The following CACNA1C variants were observed in gnomAD, a reference collection of about 807,000 sequenced individuals.
CACNA1C encodes the protein voltage-dependent L-type calcium channel subunit alpha-1C.
CACNA1C carries 30 observed loss-of-function variants against 229.0 expected under a neutral mutation model. The ratio of observed to expected loss-of-function variants is 0.13; its 90% CI spans 0.10 to 0.18. The LOEUF (loss-of-function observed/expected upper bound fraction) is 0.18. CACNA1C is among the 10% of genes least tolerant of loss of function. The pLI, the probability that CACNA1C is intolerant of heterozygous loss-of-function variation, is 1.00. For missense variants in CACNA1C, 1,658 were observed against 2,845.0 expected, an observed-to-expected ratio of 0.58 and a Z score of 9.49; for synonymous variants, 1,114 against 1,132.5, an observed-to-expected ratio of 0.98 and a Z score of 0.33.
rs2053369230 is a variant in CACNA1C at position 2,053,927 on chromosome 12, C to T, written c.49+316C>T. On this transcript the variant is annotated intron_variant, in intron 1 of 46. Transcript: ENST00000399655. This position sits in a 1 kb window ranked among gnomAD's most constrained non-coding sequence, Gnocchi z 5.8. ...TGGCTGCCGCCGCCTCGCTTTCTCG[C>T]GTCCGCCTGGAGAGCCCGGCTGCCT... Among the ~76,000 whole-genome samples, 1 of 150,182 alleles carries T rather than the reference C, an allele frequency of 6.7e-6. No homozygotes were observed. Among genetic ancestry groups the T allele is most frequent in the East Asian group, 1.9e-4 (1 of 5,150 alleles).
intron 5 of CACNA1C, among the ~76,000 whole-genome samples, chr12:2,466,541 G>A (rs964500949): frequency 6.6e-6 from 1 of 152,198 alleles, no homozygotes; most frequent in African/African-American, 2.4e-5. Flanking sequence ...TCAAACCACA[G>A]TGCTTCACTC....
intron 1 of CACNA1C, among the ~76,000 whole-genome samples, chr12:1,974,880 T>C (rs1294446671): frequency 6.6e-6 from 1 of 152,172 alleles, no homozygotes; most frequent in Non-Finnish European, 1.5e-5. Flanking sequence ...ACATGTCTAT[T>C]TATGCTTAAG....
intron 3 of CACNA1C, among the ~76,000 whole-genome samples, chr12:2,144,424 G>T (rs1348728692): frequency 1.3e-5 from 2 of 151,176 alleles, no homozygotes; most frequent in Non-Finnish European, 3.0e-5. Context: ...TTCTTAGGGT[G>T]GTCTGTTTTC....
chr12:2,000,041 T>C (rs2041834278), intron 1 of CACNA1C, among the ~76,000 whole-genome samples: 1 of 152,180 alleles, frequency 6.6e-6, no homozygotes, highest in African/African-American at 2.4e-5. Context: ...GCACTAAGAA[T>C]TACTTACACC....
At chr12:2,115,853 T>C (rs2083614834) in intron 2 of CACNA1C, among the ~76,000 whole-genome samples, 1 of 152,262 alleles carries the variant, frequency 6.6e-6, no homozygotes, top group African/African-American at 2.4e-5. Flanking sequence ...GCCTAAGAAG[T>C]TATGAAATAT....
At chr12:2,499,089 G>T (rs1289563018) in intron 7 of CACNA1C, among the ~76,000 whole-genome samples, 2 of 152,146 alleles carry the variant, frequency 1.3e-5, no homozygotes, top group African/African-American at 4.8e-5. Context: ...GCAGGTGCAG[G>T]GGTGGGGAGC....
chr12:2,469,043 C>T (rs150529856), intron 5 of CACNA1C, among the ~76,000 whole-genome samples: 4 of 152,304 alleles, frequency 2.6e-5, no homozygotes, highest in East Asian at 1.9e-4. Flanking sequence ...GGCTTGGGAA[C>T]GTTTCAGAGC....
chr12:2,631,080 T>G (rs187736796), intron 29 of CACNA1C, among the ~76,000 whole-genome samples: 2 of 152,336 alleles, frequency 1.3e-5, no homozygotes, highest in East Asian at 1.9e-4. Context: ...GCCCGCTGAT[T>G]AACTGTGTGT....
Position 2,056,590 on chromosome 12 carries a change from A to T in CACNA1C, c.49+2979A>T, listed in dbSNP as rs576927670. Reference sequence around the variant, plus strand: ...TACTTAGCGATTCAGCAGAATAAGAATCACTGTAATAAGGTAATAATAATA... The same window carrying T: ...TACTTAGCGATTCAGCAGAATAAGATTCACTGTAATAAGGTAATAATAATA... On this transcript the variant is annotated intron_variant, in intron 1 of 46. Transcript: ENST00000399655. 2.0e-5 allele frequency among the ~76,000 whole-genome samples: 3 copies of T among 152,242 alleles called. No individual in the cohort carries two copies. The South Asian group carries it at 6.2e-4, about 31-fold the overall frequency.
At chr12:2,581,380 C>T (rs2060444085) in intron 13 of CACNA1C, among the ~76,000 whole-genome samples, 1 of 152,182 alleles carries the variant, frequency 6.6e-6, no homozygotes, top group African/African-American at 2.4e-5. Flanking sequence ...CCCCTCTCTT[C>T]CCCAACAGAT....
At position 2,493,851 on chromosome 12, in the gene CACNA1C, T is replaced by C. The variant is rs973328356; in HGVS notation, c.1113+465T>C. On this transcript the variant is annotated intron_variant, in intron 7 of 46. Transcript: ENST00000399655. The surrounding 1 kb of genome is among the most constrained non-coding windows in gnomAD (Gnocchi z 4.6). Reference sequence around the variant, plus strand: ...AAGTTATATAAAGAAACCATTTTTATTGAATTGTGTAGCATTGTGACATGC... The same window carrying C: ...AAGTTATATAAAGAAACCATTTTTACTGAATTGTGTAGCATTGTGACATGC... 6.6e-6 allele frequency among the ~76,000 whole-genome samples: 1 copy of C among 152,250 alleles called. No homozygotes were observed. Among genetic ancestry groups the C allele is most frequent in the Non-Finnish European group, 1.5e-5 (1 of 68,040 alleles).
chr12:2,237,247 T>C (rs906927563), intron 3 of CACNA1C, among the ~76,000 whole-genome samples: 1 of 152,224 alleles, frequency 6.6e-6, no homozygotes, highest in African/African-American at 2.4e-5. Context: ...AAAAGCAACC[T>C]GTTATCTCTT....
rs1254083604 is a variant in CACNA1C at position 2,677,415 on chromosome 12, C to T, written c.4956+194C>T. The T allele has an allele frequency of 2.3e-5, 15 of 640,702 alleles. No homozygotes were observed. The highest frequency in any genetic ancestry group is 1.3e-4 in the African/African-American group (7 of 54,764). 39.7% of individuals were successfully genotyped at this position (640,702 alleles called of 1,614,324 possible). On this transcript the variant is annotated intron_variant, in intron 40 of 46. Transcript: ENST00000399655. The surrounding 1 kb of genome is among the most constrained non-coding windows in gnomAD (Gnocchi z 7.4). ...GTGCCCTTCCCTACCTGCCACCCAC[C>T]GACTGCCCTCCATGGTTCTGCCTGC...
intron 9 of CACNA1C, among the ~76,000 whole-genome samples, chr12:2,523,543 T>C (rs11062253): frequency 0.16 from 24,454 of 152,044 alleles, 2,360 homozygotes; most frequent in East Asian, 0.25. Context: ...TCATCACTTC[T>C]GAGTCTCTGA....
chr12:2,229,089 G>A (rs761121886), intron 3 of CACNA1C, among the ~76,000 whole-genome samples: 1 of 152,132 alleles, frequency 6.6e-6, no homozygotes, highest in Non-Finnish European at 1.5e-5. Context: ...CCAAGAGAAC[G>A]GTTGATTGGT....
At chr12:2,374,190 T>C (rs561825020) in intron 3 of CACNA1C, among the ~76,000 whole-genome samples, 27 of 152,254 alleles carry the variant, frequency 1.8e-4, no homozygotes, top group Non-Finnish European at 3.7e-4. Context: ...CTTCCTTTTC[T>C]GATTCATCTC....
intron 9 of CACNA1C, among the ~76,000 whole-genome samples, chr12:2,528,059 T>A (rs1056557879): frequency 1.3e-5 from 2 of 152,206 alleles, no homozygotes; most frequent in African/African-American, 4.8e-5. Context: ...ATTAGATGAG[T>A]TGAGAATACA....
Position 2,053,498 on chromosome 12 carries a change from CG to C in CACNA1C, c.-59del. 10 of 1,539,084 alleles carry C rather than the reference CG, an allele frequency of 6.5e-6. No homozygotes were observed. In the East Asian group the frequency reaches 7.5e-5, roughly 12 times the overall value. On this transcript the variant is annotated 5_prime_UTR_variant, in exon 1 of 47. Coordinates refer to ENST00000399655, the MANE Select transcript of CACNA1C (RefSeq NM_000719.7). This position sits in a 1 kb window ranked among gnomAD's most constrained non-coding sequence, Gnocchi z 5.8. ...GGAGGAGGGATTAATCCAGACCCGC[CG>C]GGGGGTGTTTTCACATTTCTTCCTC...
intron 29 of CACNA1C, 47 bp downstream of exon 29, chr12:2,612,060 C>T (rs761276116): frequency 4.3e-6 from 5 of 1,151,998 alleles, no homozygotes; most frequent in Non-Finnish European, 5.3e-6. Context: ...CAGGGGTGGA[C>T]AGAACGGGGA....
Sources: gnomAD v4.1 joint callset for allele counts (sites outside exome capture counted in the v4.1 genomes callset) on GRCh38, gnomAD v4.1.1 for gene constraint, Gnocchi (gnomAD v3.1) non-coding constraint, MANE v1.5 for transcripts, NCBI Gene and HGNC (gene_info 2026-07-23, HGNC 2026-07-21) for gene names.